ARID5B: variants seen among roughly 807,000 people sequenced by gnomAD.
The protein encoded by ARID5B is AT-rich interactive domain-containing protein 5B.
Under a neutral mutation model 97.2 loss-of-function variants are expected in ARID5B, and 13 were observed. The observed-to-expected ratio is 0.13, with a 90% confidence interval of 0.09 to 0.21. The LOEUF is 0.21. Ranked by LOEUF, ARID5B falls within the 10% of genes least tolerant of loss-of-function variation. The pLI, the probability that ARID5B is intolerant of heterozygous loss-of-function variation, is 1.00. For synonymous variants in ARID5B, 556 were observed against 570.3 expected (o/e 0.97, Z 0.36); for missense variants, 1,210 against 1,465.3 (o/e 0.83, Z 2.84).
rs117391089 is a variant in ARID5B at position 61,968,584 on chromosome 10, C to T, written c.502+28176C>T. On this transcript the variant is annotated intron_variant, in intron 3 of 9. Coordinates refer to ENST00000279873, the MANE Select transcript of ARID5B (RefSeq NM_032199.3). ...TAAGGCACCATTACTGGTACAGTTC[C>T]GTGCTCTTTTTGGTAATCTAATATA... Among the ~76,000 whole-genome samples, 742 of 152,234 alleles carry T rather than the reference C, an allele frequency of 4.9e-3. 6 individuals are homozygous for T. The highest frequency in any genetic ancestry group is 0.048 in the Middle Eastern group (14 of 294).
chr10:61,901,977 T>TC (rs1452280658), intron 1 of ARID5B, among the ~76,000 whole-genome samples, 182 bp from the exon 2 acceptor site: 3 of 129,140 alleles, frequency 2.3e-5, no homozygotes, highest in African/African-American at 7.6e-5. Context: ...CCCTGAGTTT[T>TC]TTTTTTTTTT....
At chr10:61,933,066 A>T (rs1844239170) in intron 2 of ARID5B, among the ~76,000 whole-genome samples, 1 of 152,140 alleles carries the variant, frequency 6.6e-6, no homozygotes, top group South Asian at 2.1e-4. Context: ...GCCAGACCCA[A>T]CTCAAAAGAA....
At chr10:62,016,372 C>T (rs1839284219) in intron 4 of ARID5B, among the ~76,000 whole-genome samples, 2 of 152,194 alleles carry the variant, frequency 1.3e-5, no homozygotes, top group African/African-American at 4.8e-5. Flanking sequence ...TTCTAAGATA[C>T]ACCATTTTTA....
intron 9 of ARID5B, among the ~76,000 whole-genome samples, chr10:62,089,393 C>A (rs1840336412): frequency 6.6e-6 from 1 of 151,966 alleles, no homozygotes; most frequent in East Asian, 1.9e-4. Flanking sequence ...TTTGTTCCCA[C>A]GTATTCCTAA....
At position 61,994,860 on chromosome 10, in the gene ARID5B, C is replaced by CT. The variant is rs531902442; in HGVS notation, c.503-5226dup. On this transcript the variant is annotated intron_variant, in intron 3 of 9. Coordinates refer to ENST00000279873, the MANE Select transcript of ARID5B (RefSeq NM_032199.3). ...GTATTAACTTTTAATAGGCAAAGTT[C>CT]TTTTTATTGAAGTTGAAATGAGGTT... 4.6e-5 allele frequency among the ~76,000 whole-genome samples: 7 copies of CT among 152,206 alleles called. No individual in the cohort carries two copies. The South Asian group carries it at 1.5e-3, about 32-fold the overall frequency.
chr10:62,076,957 C>T (rs749400240), intron 8 of ARID5B, among the ~76,000 whole-genome samples: 1 of 152,194 alleles, frequency 6.6e-6, no homozygotes, highest in East Asian at 1.9e-4. Context: ...CTGCCACTCT[C>T]ATCTCCCTAA....
chr10:61,961,966 G>A (rs1056479086), intron 3 of ARID5B, among the ~76,000 whole-genome samples: 6 of 152,094 alleles, frequency 3.9e-5, no homozygotes, highest in Non-Finnish European at 7.4e-5. Context: ...CCAGGCTGGT[G>A]TCAAACTCCT....
intron 3 of ARID5B, among the ~76,000 whole-genome samples, chr10:61,945,511 TAA>T (rs945119478): frequency 1.3e-5 from 2 of 152,356 alleles, no homozygotes; most frequent in Admixed American, 6.5e-5. Context: ...ATGTGTATAT[TAA>T]AGAGTCTTTG....
intron 4 of ARID5B, among the ~76,000 whole-genome samples, chr10:62,012,911 C>T (rs1839235661): frequency 1.3e-5 from 2 of 152,056 alleles, no homozygotes; most frequent in South Asian, 4.1e-4. Flanking sequence ...TTGTTTCCTC[C>T]ACAGTTTTGT....
At chr10:62,066,725 C>T (rs559141890) in intron 7 of ARID5B, among the ~76,000 whole-genome samples, 5 of 152,266 alleles carry the variant, frequency 3.3e-5, no homozygotes, top group African/African-American at 1.2e-4. Flanking sequence ...CTTTTCTTTT[C>T]TCTGATAGAC....
rs562735942 is a variant in ARID5B, at chr10:61,908,064, C to T, written c.276+5651C>T. On this transcript the variant is annotated intron_variant, in intron 2 of 9. Transcript: ENST00000279873. ...TTGTACTTCAATATTATATCATTAA[C>T]GTTTACATATCCAATCCAATTTCAC... is the stretch of plus-strand genomic sequence containing the variant. Among the ~76,000 whole-genome samples, 7 of 152,220 alleles carry T rather than the reference C, an allele frequency of 4.6e-5. No homozygotes were observed. In the South Asian group the frequency reaches 6.2e-4, roughly 14 times the overall value.
At chr10:61,911,640 T>C (rs1366337973) in intron 2 of ARID5B, among the ~76,000 whole-genome samples, 1 of 152,216 alleles carries the variant, frequency 6.6e-6, no homozygotes, top group Non-Finnish European at 1.5e-5. Flanking sequence ...TTCTTTGCAC[T>C]GCACGAGCGG....
At chr10:61,947,350 C>G (rs1253424979) in intron 3 of ARID5B, among the ~76,000 whole-genome samples, 2 of 145,946 alleles carry the variant, frequency 1.4e-5, no homozygotes, top group African/African-American at 5.1e-5. Flanking sequence ...CTCACTGTAA[C>G]GTCTGCTTCC....
intron 2 of ARID5B, among the ~76,000 whole-genome samples, chr10:61,927,739 T>G (rs758365975): frequency 4.6e-5 from 7 of 152,254 alleles, no homozygotes; most frequent in Non-Finnish European, 1.0e-4. Flanking sequence ...GAGATAGCTT[T>G]TTATTTTGCC....
chr10:62,013,550 A>T (rs945179569), intron 4 of ARID5B, among the ~76,000 whole-genome samples: 9 of 151,982 alleles, frequency 5.9e-5, no homozygotes, highest in Non-Finnish European at 1.2e-4. Flanking sequence ...TGTAACTGAA[A>T]TTATGTATCC....
chr10:61,929,641 G>A (rs1049603961), intron 2 of ARID5B, among the ~76,000 whole-genome samples: 13 of 152,184 alleles, frequency 8.5e-5, no homozygotes, highest in African/African-American at 3.1e-4. Context: ...AGGTTGTCTA[G>A]GGACTGGGCT....
chr10:61,962,639 G>A (rs1345556521), intron 3 of ARID5B, among the ~76,000 whole-genome samples: 7 of 152,182 alleles, frequency 4.6e-5, no homozygotes, highest in African/African-American at 1.2e-4. Context: ...GCATTCTGCC[G>A]TTGGCTAGAA....
rs1006805359 is a variant in ARID5B at position 61,936,514 on chromosome 10, A to G, written c.277-3669A>G. On this transcript the variant is annotated intron_variant, in intron 2 of 9. Transcript: ENST00000279873. ...GCACCTGTAATCCCAGTTACTAAGG[A>G]GGCTGAGGCAGGAGAATCGCTTGAA... is the stretch of plus-strand genomic sequence containing the variant. Among the ~76,000 whole-genome samples, 3 of 152,208 alleles carry G rather than the reference A, an allele frequency of 2.0e-5. No homozygotes were observed. The East Asian group carries it at 5.8e-4, about 29-fold the overall frequency.
chr10:62,017,508 A>G (rs1212618848), intron 4 of ARID5B, among the ~76,000 whole-genome samples: 1 of 151,882 alleles, frequency 6.6e-6, no homozygotes, highest in African/African-American at 2.4e-5. Context: ...TTTTTCTTCA[A>G]AAATAGAAAT....
Sources: gnomAD v4.1 joint callset for allele counts (sites outside exome capture counted in the v4.1 genomes callset) on GRCh38, gnomAD v4.1.1 for gene constraint, MANE v1.5 for transcripts, NCBI Gene and HGNC (gene_info 2026-07-23, HGNC 2026-07-21) for gene names.